ADAD1: variants seen among roughly 807,000 people sequenced by gnomAD.
ADAD1 encodes the protein adenosine deaminase domain containing 1.
In ADAD1, 46 loss-of-function variants were observed where a neutral mutation model predicts 66.8. That is an observed-to-expected ratio of 0.69 (90% CI 0.54 to 0.88). The LOEUF (loss-of-function observed/expected upper bound fraction) is 0.88. ADAD1 is among the 40% of genes least tolerant of loss of function. The pLI, the probability that ADAD1 is intolerant of heterozygous loss-of-function variation, is 0.00. For synonymous variants in ADAD1, 248 were observed against 229.4 expected, an observed-to-expected ratio of 1.08 and a Z score of -0.73; for missense variants, 617 against 681.8, an observed-to-expected ratio of 0.91 and a Z score of 1.06.
intron 6 of ADAD1, 35 bp downstream of exon 6, chr4:122,393,692 G>GAACGTC: frequency 6.8e-7 from 1 of 1,469,802 alleles, no homozygotes; most frequent in Non-Finnish European, 9.3e-7. Context: ...TTCTTTAGAA[G>GAACGTC]AGTAGCCCAA....
chr4:122,418,763 C>G (rs928894679), intron 11 of ADAD1, among the ~76,000 whole-genome samples: 2 of 152,118 alleles, frequency 1.3e-5, no homozygotes, highest in Non-Finnish European at 2.9e-5. Flanking sequence ...CATCCAAATA[C>G]TTTTATGAAA....
At chr4:122,404,366 C>G (rs1471705785) in intron 7 of ADAD1, among the ~76,000 whole-genome samples, 1 of 152,118 alleles carries the variant, frequency 6.6e-6, no homozygotes, top group African/African-American at 2.4e-5. Context: ...TCCTACAGGG[C>G]TCTTCCCGCT....
At chr4:122,409,760 C>T (rs1159836873) in intron 8 of ADAD1, among the ~76,000 whole-genome samples, 2 of 151,748 alleles carry the variant, frequency 1.3e-5, no homozygotes, top group African/African-American at 2.4e-5. Flanking sequence ...AGTGCAATGG[C>T]GAGATCTCCA....
intron 9 of ADAD1, 26 bp from the exon 10 acceptor site, chr4:122,412,554 G>A: frequency 6.3e-7 from 1 of 1,594,970 alleles, no homozygotes; most frequent in East Asian, 2.2e-5. Context: ...TTTTTTAAAG[G>A]AAGAAACTTT....
At chr4:122,422,974 A>G (rs1441793041) in intron 12 of ADAD1, among the ~76,000 whole-genome samples, 161 of 150,778 alleles carry the variant, frequency 1.1e-3, no homozygotes, top group African/African-American at 3.5e-3. Context: ...AAAAAAAAAA[A>G]AAAAAGAAGA....
At chr4:122,396,555 G>C (rs1381669795) in intron 7 of ADAD1, among the ~76,000 whole-genome samples, 178 bp downstream of exon 7, 1 of 152,146 alleles carries the variant, frequency 6.6e-6, no homozygotes, top group Non-Finnish European at 1.5e-5. Flanking sequence ...CACTGACCAG[G>C]ACCCAACAGA....
intron 5 of ADAD1, 28 bp downstream of exon 5, chr4:122,383,994 A>C: frequency 6.5e-7 from 1 of 1,539,874 alleles, no homozygotes. Flanking sequence ...TAAAGTATTT[A>C]TAAGAGGTAT....
chr4:122,383,215 CCTCT>C (rs749906242), intron 4 of ADAD1, among the ~76,000 whole-genome samples: 3 of 152,028 alleles, frequency 2.0e-5, no homozygotes, highest in Non-Finnish European at 2.9e-5. Flanking sequence ...GTTTTCTCTT[CCTCT>C]CTCTCCCCAC....
intron 12 of ADAD1, among the ~76,000 whole-genome samples, chr4:122,424,647 G>A (rs1228493130): frequency 2.6e-5 from 4 of 151,924 alleles, no homozygotes; most frequent in South Asian, 2.1e-4. Context: ...TAAACTATAC[G>A]ACAGTAAGGA....
intron 4 of ADAD1, among the ~76,000 whole-genome samples, chr4:122,381,886 A>G (rs1019544598): frequency 1.3e-5 from 2 of 152,216 alleles, no homozygotes; most frequent in Non-Finnish European, 2.9e-5. Flanking sequence ...ATGAGTAGTT[A>G]GGTTGTTTCT....
chr4:122,396,472 T>A, intron 7 of ADAD1, 95 bp downstream of exon 7: 1 of 1,099,648 alleles, frequency 9.1e-7, no homozygotes, highest in Non-Finnish European at 1.2e-6. Context: ...TGGTGTTGCA[T>A]TGATTTGAAG....
chr4:122,412,701 A>T lies in ADAD1; in HGVS notation c.1141A>T (p.Ser381Cys), dbSNP rs779490707. 6 of 1,613,948 alleles carry T rather than the reference A, an allele frequency of 3.7e-6. No homozygotes were observed. Among genetic ancestry groups the T allele is most frequent in the Non-Finnish European group, 5.1e-6 (6 of 1,179,828 alleles). The stretch of plus-strand genomic sequence containing the variant: ...TCCTAAAGATGGTGTTAATAGAATA[A>T]GCAGTATGTCCTCAAGTGACAAATT... ...YCPKDGVNRI[S>C]SMSSSDKLTR... is the part of the protein sequence containing the mutation. Residue 381 changes from serine (S) to cysteine (C), a missense_variant, in exon 10 of 13, where the codon AGC becomes TGC. Coordinates refer to ENST00000296513, the MANE Select transcript of ADAD1 (RefSeq NM_139243.4).
chr4:122,414,404 C>T (rs1274873255), intron 10 of ADAD1, among the ~76,000 whole-genome samples: 1 of 150,826 alleles, frequency 6.6e-6, no homozygotes, highest in African/African-American at 2.4e-5. Context: ...ATTTTTTTTC[C>T]AACTTTTATT....
chr4:122,385,796 G>T (rs928903173), intron 5 of ADAD1, among the ~76,000 whole-genome samples: 6 of 152,050 alleles, frequency 3.9e-5, no homozygotes, highest in African/African-American at 1.4e-4. Flanking sequence ...TTCAGTATTT[G>T]GTTTTCTGTT....
chr4:122,426,737 AATT>A (rs1797254738), intron 12 of ADAD1, among the ~76,000 whole-genome samples: 1 of 152,244 alleles, frequency 6.6e-6, no homozygotes, highest in Admixed American at 6.5e-5. Context: ...AAATTTGTAT[AATT>A]ATCTCAAAAG....
At chr4:122,397,387 G>A (rs4833823) in intron 7 of ADAD1, among the ~76,000 whole-genome samples, 115,258 of 152,124 alleles carry the variant, frequency 0.76, 43,850 homozygotes, top group East Asian at 0.86. Context: ...TATACTTAAC[G>A]TCTCTATGCT....
At position 122,415,569 on chromosome 4, in the gene ADAD1, T is replaced by C. The variant is rs752314407; in HGVS notation, c.1440T>C (p.Asp480=). 1.1e-5 allele frequency: 17 copies of C among 1,613,774 alleles called. No homozygotes were observed. The highest frequency in any genetic ancestry group is 1.6e-4 in the Middle Eastern group (1 of 6,082). The change falls in exon 11 of 13, where the codon GAT becomes GAC. Residue 480 remains aspartate (D), a synonymous_variant. Coordinates refer to ENST00000296513, the MANE Select transcript of ADAD1 (RefSeq NM_139243.4). ...TGAGTCTGAATTGGGCACAAGGAGA[T>C]GTTTCTTTGGAGATTGTGGATGGCC... The part of the protein sequence containing the change: ...KFLSLNWAQG[D]VSLEIVDGLS...
chr4:122,414,691 T>C (rs1314039621), intron 10 of ADAD1, among the ~76,000 whole-genome samples: 1 of 152,262 alleles, frequency 6.6e-6, no homozygotes, highest in East Asian at 1.9e-4. Flanking sequence ...CTTCTGACCT[T>C]CTGAGGAAGA....
chr4:122,427,556 G>A (rs1797303771), intron 12 of ADAD1, among the ~76,000 whole-genome samples: 1 of 84,484 alleles, frequency 1.2e-5, no homozygotes, highest in Non-Finnish European at 2.1e-5. Flanking sequence ...TTTTCCTGAT[G>A]CGGAGTCTTG....
Sources: gnomAD v4.1 joint callset for allele counts (sites outside exome capture counted in the v4.1 genomes callset) on GRCh38, gnomAD v4.1.1 for gene constraint, MANE v1.5 for transcripts, NCBI Gene and HGNC (gene_info 2026-07-23, HGNC 2026-07-21) for gene names.